Variants in CTNND2 observed in about 807,000 individuals in gnomAD.
The protein encoded by CTNND2 is catenin delta-2.
A neutral mutation model predicts 144.4 loss-of-function variants in CTNND2; 22 were observed. The observed-to-expected ratio is 0.15, with a 90% CI of 0.11 to 0.22. The LOEUF is 0.22. CTNND2 is among the 10% of genes least tolerant of loss of function. The pLI is 1.00. For missense variants in CTNND2, 1,353 were observed against 1,618.8 expected, an observed-to-expected ratio of 0.84 and a Z score of 2.82; for synonymous variants, 751 against 695.6, an observed-to-expected ratio of 1.08 and a Z score of -1.25.
intron 2 of CTNND2, chr5:11,588,842 CCA>C: frequency 1.0e-6 from 1 of 985,354 alleles, no homozygotes; most frequent in Non-Finnish European, 1.2e-6. Context: ...CCCTCCTTCC[CCA>C]GGCTGTGGAG....
chr5:11,709,030 A>G lies in CTNND2; in HGVS notation c.174+23106T>C, dbSNP rs138723288. On this transcript the variant is annotated intron_variant, in intron 2 of 21. Transcript: ENST00000304623. ...GAACTTTCTTACCAGGGAAGCTACT[A>G]TGATAACAAAGTGAAAACTAGGTAT... Among the ~76,000 whole-genome samples, 819 of 152,328 alleles carry G rather than the reference A, an allele frequency of 5.4e-3. 6 individuals carry two copies. The highest frequency in any genetic ancestry group is 7.9e-3 in the Non-Finnish European group (535 of 68,030).
intron 3 of CTNND2, among the ~76,000 whole-genome samples, chr5:11,460,030 C>A (rs1008684906): frequency 2.6e-5 from 4 of 152,168 alleles, no homozygotes; most frequent in African/African-American, 9.7e-5. Flanking sequence ...ATAATATTTG[C>A]CTATCATGTT....
chr5:11,537,234 G>C (rs186148789), intron 3 of CTNND2, among the ~76,000 whole-genome samples: 3 of 152,084 alleles, frequency 2.0e-5, no homozygotes, highest in Non-Finnish European at 2.9e-5. Context: ...TTTGGGAAAG[G>C]CTGGCTCACA....
chr5:11,185,347 T>C (rs549971567), intron 11 of CTNND2, among the ~76,000 whole-genome samples: 1 of 152,310 alleles, frequency 6.6e-6, no homozygotes, highest in South Asian at 2.1e-4. Context: ...ATCATTTCCA[T>C]ATGCTCTTGT....
At position 11,385,134 on chromosome 5, in the gene CTNND2, G is replaced by A. The variant is rs766633367; in HGVS notation, c.708C>T (p.Ser236=). ...GCGGCGCGTCGGGCAGGTGGAAGGC[G>A]CTGCCCAGGCTGGGCGCGAACGGCT... is the stretch of plus-strand genomic sequence containing the variant. ...PREPFAPSLG[S]AFHLPDAPPA... is the part of the protein sequence containing the mutation. The change falls in exon 7 of 22, where the codon AGC becomes AGT. Residue 236 remains serine, a synonymous_variant. Transcript: ENST00000304623. The A allele has an allele frequency of 2.4e-4, 243 of 1,007,374 alleles. 1 individual carries two copies. Among genetic ancestry groups the A allele is most frequent in the Middle Eastern group, 1.5e-3 (3 of 2,026 alleles). The allele number at this position is 1,007,374 out of a possible 1,614,324, so 62.4% of individuals were successfully genotyped here. A position where few individuals can be genotyped will look rare whatever the true frequency, so the allele number is the denominator to read the frequency against.
intron 2 of CTNND2, among the ~76,000 whole-genome samples, chr5:11,600,866 T>C (rs999631691): frequency 1.3e-5 from 2 of 151,986 alleles, no homozygotes; most frequent in African/African-American, 4.8e-5. Flanking sequence ...AAAAATGTGG[T>C]GGGAAGAAGG....
At chr5:11,265,314 G>C (rs1745325189) in intron 9 of CTNND2, among the ~76,000 whole-genome samples, 1 of 152,188 alleles carries the variant, frequency 6.6e-6, no homozygotes, top group Admixed American at 6.5e-5. Context: ...TAGGGAATCA[G>C]TGAAAGCTTG....
At chr5:11,659,216 A>G (rs1783061534) in intron 2 of CTNND2, among the ~76,000 whole-genome samples, 1 of 152,174 alleles carries the variant, frequency 6.6e-6, no homozygotes. Context: ...ACATTGTATT[A>G]GGTATTATAA....
At chr5:11,289,746 G>A (rs910764697) in intron 9 of CTNND2, among the ~76,000 whole-genome samples, 2 of 152,130 alleles carry the variant, frequency 1.3e-5, no homozygotes, top group Non-Finnish European at 1.5e-5. Context: ...TCTTTCCACG[G>A]TTCCCATCTA....
At chr5:11,103,051 G>C (rs1752069487) in intron 14 of CTNND2, among the ~76,000 whole-genome samples, 2 of 126,824 alleles carry the variant, frequency 1.6e-5, no homozygotes, top group African/African-American at 3.0e-5. Context: ...GCACAATCTT[G>C]GCTCACTGCA....
intron 3 of CTNND2, among the ~76,000 whole-genome samples, chr5:11,470,054 T>G (rs981025558): frequency 6.6e-6 from 1 of 152,194 alleles, no homozygotes; most frequent in Middle Eastern, 3.2e-3. Flanking sequence ...CAGCATATAA[T>G]AATTCTATGC....
chr5:11,435,872 C>T (rs1471672070), intron 3 of CTNND2, among the ~76,000 whole-genome samples: 1 of 152,192 alleles, frequency 6.6e-6, no homozygotes, highest in Non-Finnish European at 1.5e-5. Flanking sequence ...CCAGCTCTTG[C>T]TTTCAAATTC....
intron 2 of CTNND2, among the ~76,000 whole-genome samples, chr5:11,648,282 G>T (rs1782467794): frequency 6.6e-6 from 1 of 151,732 alleles, no homozygotes; most frequent in Non-Finnish European, 1.5e-5. Context: ...TTCTGCCTGG[G>T]AATATGGGCC....
chr5:11,492,734 A>G (rs1442166750), intron 3 of CTNND2, among the ~76,000 whole-genome samples: 1 of 152,022 alleles, frequency 6.6e-6, no homozygotes, highest in Non-Finnish European at 1.5e-5. Flanking sequence ...ATTAATAGAT[A>G]TATACATACC....
chr5:11,639,099 T>A (rs1781860511), intron 2 of CTNND2, among the ~76,000 whole-genome samples: 2 of 151,946 alleles, frequency 1.3e-5, no homozygotes, highest in Non-Finnish European at 2.9e-5. Context: ...CATTTGACAA[T>A]ATCTGGAGAC....
intron 1 of CTNND2, among the ~76,000 whole-genome samples, chr5:11,750,818 T>C (rs1788570165): frequency 6.6e-6 from 1 of 151,872 alleles, no homozygotes; most frequent in Non-Finnish European, 1.5e-5. Flanking sequence ...TTTTAATTCC[T>C]AAATTATCTT....
At chr5:11,138,536 T>A (rs1233978307) in intron 12 of CTNND2, among the ~76,000 whole-genome samples, 1 of 152,160 alleles carries the variant, frequency 6.6e-6, no homozygotes, top group East Asian at 1.9e-4. Flanking sequence ...GGTGGTGCCA[T>A]CCTCTCCCTG....
chr5:11,024,443 A>C (rs973973865), intron 16 of CTNND2, among the ~76,000 whole-genome samples: 1 of 152,230 alleles, frequency 6.6e-6, no homozygotes, highest in African/African-American at 2.4e-5. Context: ...ACTCTGGTTA[A>C]GAGTTTACTT....
intron 17 of CTNND2, 51 bp downstream of exon 17, chr5:11,022,718 T>C (rs756858468): frequency 1.3e-4 from 187 of 1,477,424 alleles, no homozygotes; most frequent in Non-Finnish European, 5.7e-6. Context: ...GAAAGGCACA[T>C]TCAGAACCAA....
Sources: allele counts gnomAD v4.1 joint callset (sites outside exome capture counted in the v4.1 genomes callset), GRCh38; gene constraint gnomAD v4.1.1; transcripts MANE v1.5; gene names NCBI Gene and HGNC (gene_info 2026-07-23, HGNC 2026-07-21).